The following ATP4A variants were observed in gnomAD, a reference collection of about 807,000 sequenced individuals.
ATP4A encodes ATPase H+/K+ transporting subunit alpha, also known as potassium-transporting ATPase alpha chain 1.
Under a neutral mutation model 112.1 loss-of-function variants are expected in ATP4A, and 73 were observed. The observed-to-expected ratio is 0.65, with a 90% confidence interval of 0.54 to 0.79. ATP4A has a LOEUF of 0.79. Among genes scored for constraint, ATP4A ranks in the 30% least tolerant of loss-of-function variants. The pLI, the probability that ATP4A is intolerant of heterozygous loss-of-function variation, is 0.00. For synonymous variants in ATP4A, 588 were observed against 588.9 expected, an observed-to-expected ratio of 1.00 and a Z score of 0.02; for missense variants, 1,081 against 1,425.9, an observed-to-expected ratio of 0.76 and a Z score of 3.90.
At position 35,551,856 on chromosome 19, in the gene ATP4A, G is replaced by A. The variant is rs528303940; in HGVS notation, c.2752-276C>T. ...GGGCCGACTGCTTTCATAGTGAAAG[G>A]GGGGAGGCACCCAAAAGAAAGGGCC... On this transcript the variant is annotated intron_variant, in intron 18 of 21. Transcript: ENST00000262623. This position sits in a 1 kb window ranked among gnomAD's most constrained non-coding sequence, Gnocchi z 5.2. 1.7e-4 allele frequency among the ~76,000 whole-genome samples: 26 copies of A among 152,252 alleles called. No individual in the cohort carries two copies. The highest frequency in any genetic ancestry group is 4.1e-4 in the South Asian group (2 of 4,826).
rs745546897 is a variant in ATP4A, at chr19:35,560,963, G to T, written c.421-31C>A. On this transcript the variant is annotated intron_variant, in intron 4 of 21. Transcript: ENST00000262623. The surrounding 1 kb of genome is among the most constrained non-coding windows in gnomAD (Gnocchi z 5.1). ...GACAGGGAAGGGGTGGGGTTATTCA[G>T]AGGGGCCGGAAGCTGCCTGCCTGAG... 4 of 1,600,164 alleles carry T rather than the reference G, an allele frequency of 2.5e-6. No individual in the cohort carries two copies. The Admixed American group carries it at 6.7e-5, about 27-fold the overall frequency.
chr19:35,552,386 G>C (rs559249231), intron 18 of ATP4A, among the ~76,000 whole-genome samples: 1 of 152,350 alleles, frequency 6.6e-6, no homozygotes, highest in African/African-American at 2.4e-5. Flanking sequence ...CTGGGATAGA[G>C]CCTGAGAATT....
At position 35,560,256 on chromosome 19, in the gene ATP4A, AT is replaced by A; in HGVS notation, c.787+106del. 1 of 1,558,212 alleles carries A rather than the reference AT, an allele frequency of 6.4e-7. No individual in the cohort carries two copies. The highest frequency in any genetic ancestry group is 1.2e-5 in the South Asian group (1 of 83,110). On this transcript the variant is annotated intron_variant, in intron 6 of 21. Coordinates refer to ENST00000262623, the MANE Select transcript of ATP4A (RefSeq NM_000704.3). The surrounding 1 kb of genome is among the most constrained non-coding windows in gnomAD (Gnocchi z 5.1). The stretch of plus-strand genomic sequence containing the variant: ...TGGCAGTCACGGGGAGGTGGCAGTC[AT>A]GCAGGAGAGAGACAGGGAGGCTGAA...
rs971099575 is a variant in ATP4A, at chr19:35,560,994, C to T, written c.421-62G>A. 1.3e-5 allele frequency: 18 copies of T among 1,393,922 alleles called. No homozygotes were observed. The highest frequency in any genetic ancestry group is 1.0e-4 in the African/African-American group (7 of 69,982). The allele number at this position is 1,393,922 out of a possible 1,614,324, so 86.3% of individuals were successfully genotyped here. A position where few individuals can be genotyped will look rare whatever the true frequency, so the allele number is the denominator to read the frequency against. On this transcript the variant is annotated intron_variant, in intron 4 of 21. Coordinates refer to ENST00000262623, the MANE Select transcript of ATP4A (RefSeq NM_000704.3). The surrounding 1 kb of genome is among the most constrained non-coding windows in gnomAD (Gnocchi z 5.1). ...CCGGAAGCTGCCTGCCTGAGGCCAC[C>T]GACCTGCTCCCTGGTGCCCTGGTTT...
intron 17 of ATP4A, 111 bp downstream of exon 17, chr19:35,553,595 T>C (rs2071613971): frequency 1.4e-6 from 2 of 1,449,562 alleles, no homozygotes; most frequent in Non-Finnish European, 1.8e-6. Context: ...CAGGACCAAA[T>C]GCAGACACTG....
chr19:35,560,215 G>A lies in ATP4A; in HGVS notation c.788-142C>T, dbSNP rs370809305. 8 of 1,522,780 alleles carry A rather than the reference G, an allele frequency of 5.3e-6. No homozygotes were observed. The African/African-American group carries it at 6.8e-5, about 13-fold the overall frequency. The allele number at this position is 1,522,780 out of a possible 1,614,324, so 94.3% of individuals were successfully genotyped here. ...AGTGACAGTGGGAGACAGAGAAGCAGTGTGCCCTGGGGAGGTGGCAGTCAC... is the reference window on the plus strand; with the variant it reads ...AGTGACAGTGGGAGACAGAGAAGCAATGTGCCCTGGGGAGGTGGCAGTCAC... On this transcript the variant is annotated intron_variant, in intron 6 of 21. Transcript: ENST00000262623. The surrounding 1 kb of genome is among the most constrained non-coding windows in gnomAD (Gnocchi z 5.1).
Position 35,561,478 on chromosome 19 carries a change from C to A in ATP4A, c.421-546G>T, listed in dbSNP as rs2071670336. On this transcript the variant is annotated intron_variant, in intron 4 of 21. Transcript: ENST00000262623. ...ACGTCATGGTCTGTGTCCTCTGTGG[C>A]CACGGCCCCCATGTTCTAGCTCCCC... is the stretch of plus-strand genomic sequence containing the variant. 2.0e-5 allele frequency among the ~76,000 whole-genome samples: 3 copies of A among 152,054 alleles called. No individual in the cohort carries two copies. In the South Asian group the frequency reaches 6.2e-4, roughly 32 times the overall value.
At chr19:35,556,283 G>T (rs919405593) in intron 12 of ATP4A, among the ~76,000 whole-genome samples, 10 of 152,204 alleles carry the variant, frequency 6.6e-5, no homozygotes, top group Non-Finnish European at 1.3e-4. Flanking sequence ...CTGCAGAGGA[G>T]TGAACAAGGA....
At position 35,558,716 on chromosome 19, in the gene ATP4A, G is replaced by C; in HGVS notation, c.1256-30C>G. 3 of 1,552,500 alleles carry C rather than the reference G, an allele frequency of 1.9e-6. No individual in the cohort carries two copies. Among genetic ancestry groups the C allele is most frequent in the South Asian group, 2.4e-5 (2 of 84,900 alleles). On this transcript the variant is annotated intron_variant, in intron 8 of 21. Coordinates refer to ENST00000262623, the MANE Select transcript of ATP4A (RefSeq NM_000704.3). The surrounding 1 kb of genome is among the most constrained non-coding windows in gnomAD (Gnocchi z 5.1). The stretch of plus-strand genomic sequence containing the variant: ...AGACCAGGCGTCCAGGCTGGGTCCC[G>C]CACGGCGGCTCTCCCGGACCAGAAC...
Position 35,560,654 on chromosome 19 carries a change from T to C in ATP4A, c.535-39A>G. The C allele has an allele frequency of 2.0e-6, 1 of 506,904 alleles. No individual in the cohort carries two copies. Among genetic ancestry groups the C allele is most frequent in the Non-Finnish European group, 3.0e-6 (1 of 332,134 alleles). 31.4% of individuals were successfully genotyped at this position (506,904 alleles called of 1,614,324 possible). ...GCACCAAAGTTGAGGTGGACGGGGG[T>C]GGGGGTGGGAGCTGCTGCATGTGGG... On this transcript the variant is annotated intron_variant, in intron 5 of 21. Transcript: ENST00000262623. The surrounding 1 kb of genome is among the most constrained non-coding windows in gnomAD (Gnocchi z 5.1).
chr19:35,554,556 A>G (rs956313728), intron 16 of ATP4A, among the ~76,000 whole-genome samples: 1 of 152,038 alleles, frequency 6.6e-6, no homozygotes, highest in Non-Finnish European at 1.5e-5. Flanking sequence ...TCTGTCTGCC[A>G]TGGGGTCTAT....
chr19:35,562,607 A>G lies in ATP4A; in HGVS notation c.248T>C (p.Leu83Pro). 1 of 1,606,908 alleles carries G rather than the reference A, an allele frequency of 6.2e-7. No homozygotes were observed. Among genetic ancestry groups the G allele is most frequent in the East Asian group, 2.2e-5 (1 of 44,614 alleles). Residue 83 changes from leucine (L) to proline (P), a missense_variant, in exon 4 of 22, where the codon CTG becomes CCG. Around this residue, in one of 3 missense-constraint regions of ATP4A, gnomAD observed 850 missense variants for 1,068.2 expected, o/e 0.80. Transcript: ENST00000262623. ...CAGTGCGTTGGGCCCATCCCGCAGC[A>G]GCAGCTCAGCAGCCAGGCTCGCAGA... ...GLSASLAAEL[L>P]LRDGPNALRP...
At chr19:35,552,644 A>G (rs1191884382) in intron 18 of ATP4A, among the ~76,000 whole-genome samples, 1 of 152,208 alleles carries the variant, frequency 6.6e-6, no homozygotes, top group Admixed American at 6.5e-5. Flanking sequence ...CCTCGTCTGT[A>G]TGTAACTCTA....
Position 35,557,230 on chromosome 19 carries a change from T to A in ATP4A, c.1694-142A>T. On this transcript the variant is annotated intron_variant, in intron 11 of 21. Coordinates refer to ENST00000262623, the MANE Select transcript of ATP4A (RefSeq NM_000704.3). The surrounding 1 kb of genome is among the most constrained non-coding windows in gnomAD (Gnocchi z 4.4). ...TGTGCTGACCCCTTCACTCACATTA[T>A]CTGAATCTACCCTCACAACCACCCT... 1.1e-6 allele frequency: 1 copy of A among 950,038 alleles called. No homozygotes were observed. Among genetic ancestry groups the A allele is most frequent in the Non-Finnish European group, 1.6e-6 (1 of 641,056 alleles). 58.9% of individuals were successfully genotyped at this position (950,038 alleles called of 1,614,324 possible).
intron 17 of ATP4A, 144 bp from the exon 18 acceptor site, chr19:35,553,326 A>C: frequency 1.0e-6 from 1 of 969,108 alleles, no homozygotes; most frequent in Non-Finnish European, 1.5e-6. Context: ...AGACAGGGAC[A>C]CAGATACACA....
chr19:35,555,204 T>C lies in ATP4A; in HGVS notation c.2288A>G (p.Asp763Gly), dbSNP rs754784580. ...TGTCACAATGGAGGCAAAGTTGTCA[T>C]CCAGCAGGATCATGTCAGCTGCATT... is the stretch of plus-strand genomic sequence containing the variant. ...AKNAADMILL[D>G]DNFASIVTGV... The change falls in exon 15 of 22, where the codon GAT (aspartate) becomes GGT (glycine). Residue 763 changes from aspartate to glycine, a missense_variant. By Grantham distance (94) the Asp-to-Gly change is moderately conservative. Coordinates refer to ENST00000262623, the MANE Select transcript of ATP4A (RefSeq NM_000704.3). The surrounding 1 kb of genome is among the most constrained non-coding windows in gnomAD (Gnocchi z 6.6). 1 of 1,614,026 alleles carries C rather than the reference T, an allele frequency of 6.2e-7. No homozygotes were observed. Among genetic ancestry groups the C allele is most frequent in the African/African-American group, 1.3e-5 (1 of 74,908 alleles).
rs145740755 is a variant in ATP4A, at chr19:35,553,756, C to T, written c.2555G>A (p.Arg852His). 92 of 1,612,994 alleles carry T rather than the reference C, an allele frequency of 5.7e-5. No homozygotes were observed. In the African/African-American group the frequency reaches 7.2e-4, roughly 13 times the overall value. ...CAGGGGCTCGTTGACCAATCTGTCA[C>T]GCTTTGGGTTGCGTGGACGCAGGTG... ...IMHLRPRNPK[R>H]DRLVNEPLAA... Residue 852 changes from arginine (R) to histidine (H), a missense_variant, in exon 17 of 22, where the codon CGT becomes CAT. Arg to His is a conservative substitution (Grantham distance 29, BLOSUM62 0). Around this residue, in one of 3 missense-constraint regions of ATP4A, gnomAD observed 219 missense variants for 320.9 expected, o/e 0.68. Transcript: ENST00000262623.
At chr19:35,561,138 T>A (rs1204386007) in intron 4 of ATP4A, among the ~76,000 whole-genome samples, 2 of 152,020 alleles carry the variant, frequency 1.3e-5, no homozygotes, top group Non-Finnish European at 2.9e-5. Flanking sequence ...GTCTTCTCAG[T>A]GTCTTGTGTT....
At position 35,557,849 on chromosome 19, in the gene ATP4A, T is replaced by C; in HGVS notation, c.1501-2A>G. ...GTCCTCCAGCGTATGGATGGACAGC[T>C]GTGGGCGGGGGGGAGAGGCGAGGCT... On this transcript the variant is annotated splice_acceptor_variant, in intron 10 of 21. Coordinates refer to ENST00000262623, the MANE Select transcript of ATP4A (RefSeq NM_000704.3). LOFTEE classifies it high-confidence loss of function. This position sits in a 1 kb window ranked among gnomAD's most constrained non-coding sequence, Gnocchi z 4.4. 2 of 1,303,962 alleles carry C rather than the reference T, an allele frequency of 1.5e-6. No homozygotes were observed. The highest frequency in any genetic ancestry group is 1.6e-5 in the South Asian group (1 of 62,698). 80.8% of individuals were successfully genotyped at this position (1,303,962 alleles called of 1,614,324 possible). A position where few individuals can be genotyped will look rare whatever the true frequency, so the allele number is the denominator to read the frequency against.
Sources: gnomAD v4.1 joint callset for allele counts (sites outside exome capture counted in the v4.1 genomes callset) on GRCh38, gnomAD v4.1.1 for gene constraint, gnomAD v4.1.1 regional missense constraint, Gnocchi (gnomAD v3.1) non-coding constraint, MANE v1.5 for transcripts, NCBI Gene and HGNC (gene_info 2026-07-23, HGNC 2026-07-21) for gene names.